The following APOB variants were observed in gnomAD, a reference collection of about 807,000 sequenced individuals.
The protein encoded by APOB is apolipoprotein B-100.
Under a neutral mutation model 314.1 loss-of-function variants are expected in APOB, and 153 were observed. The observed-to-expected ratio is 0.49, with a 90% CI of 0.43 to 0.56. The LOEUF is 0.56. Among genes scored for constraint, APOB ranks in the 20% least tolerant of loss-of-function variants. The probability of loss-of-function intolerance (pLI) is 0.00; values close to 1 mark genes in which losing one functional copy is unlikely to be tolerated. For missense variants in APOB, 5,430 were observed against 5,350.7 expected (o/e 1.01, Z -0.46); for synonymous variants, 2,087 against 2,036.4 (o/e 1.02, Z -0.67).
rs1259653196 is a variant in APOB, at chr2:21,006,714, G to T, written c.10154C>A (p.Thr3385Lys). 45 of 1,613,880 alleles carry T rather than the reference G, an allele frequency of 2.8e-5. No individual in the cohort carries two copies. The highest frequency in any genetic ancestry group is 3.5e-5 in the Non-Finnish European group (41 of 1,179,960). ...DALQYKLEGT[T>K]RLTRKRGLKL... ...CAATCCCCTTTTTCTTGTCAATCTT[G>T]TGGTGCCCTCTAATTTGTACTGCAG... The change falls in exon 26 of 29, where the codon ACA becomes AAA. Residue 3385 changes from threonine (T) to lysine (K), a missense_variant. Transcript: ENST00000233242.
At chr2:21,027,003 T>C in intron 14 of APOB, 39 bp from the exon 15 acceptor site, 2 of 1,606,560 alleles carry the variant, frequency 1.2e-6, no homozygotes, top group Non-Finnish European at 1.7e-6. Context: ...GCATCAGGTT[T>C]CTTTGTTGTA....
At position 21,011,424 on chromosome 2, in the gene APOB, C is replaced by T. The variant is rs372389077; in HGVS notation, c.5444G>A (p.Arg1815Gln). ...CACATGCAGCTTCAGGGGTTCTAGC[C>T]GTAGTTTCCCATTGTTGGTGAGATC... ...ALDLTNNGKL[R>Q]LEPLKLHVAG... is the part of the protein sequence containing the mutation. The change falls in exon 26 of 29, where the codon CGG becomes CAG. Residue 1815 changes from arginine (R) to glutamine (Q), a missense_variant. By Grantham distance (43) the Arg-to-Gln change is conservative (BLOSUM62 1). This residue lies in a region of APOB where 64 missense variants were observed against 99.9 expected (regional missense o/e 0.64). Transcript: ENST00000233242. 6.8e-6 allele frequency: 11 copies of T among 1,613,908 alleles called. No homozygotes were observed. The highest frequency in any genetic ancestry group is 4.4e-5 in the South Asian group (4 of 91,076).
At position 21,012,402 on chromosome 2, in the gene APOB, T is replaced by C; in HGVS notation, c.4466A>G (p.Gln1489Arg). ...LFVKEVKIDG[Q>R]FRVSSFYAKG... is the part of the protein sequence containing the mutation. ...AGCATAGAACGAAGAGACTCTGAACTGCCCATCAATCTTGACTTCTTTGAC... is the reference window on the plus strand; with the variant it reads ...AGCATAGAACGAAGAGACTCTGAACCGCCCATCAATCTTGACTTCTTTGAC... The change falls in exon 26 of 29, where the codon CAG becomes CGG. Residue 1489 changes from glutamine (Q) to arginine (R), a missense_variant. By Grantham distance (43) the Gln-to-Arg change is conservative (BLOSUM62 1). Around this residue, in one of 3 missense-constraint regions of APOB, gnomAD observed 2,085 missense variants for 2,079.7 expected, o/e 1.00. Coordinates refer to ENST00000233242, the MANE Select transcript of APOB (RefSeq NM_000384.3). 6.2e-7 allele frequency: 1 copy of C among 1,614,208 alleles called. No individual in the cohort carries two copies. The highest frequency in any genetic ancestry group is 8.5e-7 in the Non-Finnish European group (1 of 1,180,028).
chr2:21,004,390 C>T lies in APOB; in HGVS notation c.11966G>A (p.Arg3989His), dbSNP rs148197354. ...GATGCCTTTCTTGTCTTTCTGGTAGCGCAGATGGAGATCGGTGAACGCTGG... is the reference window on the plus strand; with the variant it reads ...GATGCCTTTCTTGTCTTTCTGGTAGTGCAGATGGAGATCGGTGAACGCTGG... ...KSPAFTDLHLRYQKDKKGIST... is the reference protein window; with the variant it reads ...KSPAFTDLHLHYQKDKKGIST... The change falls in exon 28 of 29, where the codon CGC becomes CAC. Residue 3989 changes from arginine (R) to histidine (H), a missense_variant. By Grantham distance (29) the Arg-to-His change is conservative. Transcript: ENST00000233242. 160 of 1,613,844 alleles carry T rather than the reference C, an allele frequency of 9.9e-5. No individual in the cohort carries two copies. The highest frequency in any genetic ancestry group is 1.2e-4 in the Non-Finnish European group (139 of 1,179,936).
At chr2:21,015,574 A>G (rs745936251) in intron 21 of APOB, 29 bp from the exon 22 acceptor site, 6 of 1,605,864 alleles carry the variant, frequency 3.7e-6, no homozygotes, top group Non-Finnish European at 5.1e-6. Flanking sequence ...GTTGGCACCA[A>G]TGATTTTGTC....
At chr2:21,015,925 C>T (rs1052557189) in intron 21 of APOB, among the ~76,000 whole-genome samples, 6 of 152,108 alleles carry the variant, frequency 3.9e-5, no homozygotes, top group African/African-American at 1.4e-4. Flanking sequence ...CAGCACTGTG[C>T]TTGATACATG....
In APOB at chr2:21,010,363, C is replaced by A. The variant is rs1196348415; in HGVS notation, c.6505G>T (p.Glu2169Ter). The change falls in exon 26 of 29, where the codon GAA becomes TAA. Residue 2169 changes from glutamate (E) to a stop codon, truncating the protein, a stop_gained. Coordinates refer to ENST00000233242, the MANE Select transcript of APOB (RefSeq NM_000384.3). LOFTEE classifies it high-confidence loss of function. ...TATGTCTGCAGTTGAGATAGTTTTT[C>A]ATTAAAGTTGATTTTGGCATCATCT... ...ALDDAKINFNEKLSQLQTYMI... is the reference protein window; with the variant it reads ...ALDDAKINFN 6.3e-7 allele frequency: 1 copy of A among 1,577,876 alleles called. No homozygotes were observed. Among genetic ancestry groups the A allele is most frequent in the South Asian group, 1.2e-5 (1 of 84,884 alleles).
At chr2:21,023,258 G>A (rs977373233) in intron 17 of APOB, among the ~76,000 whole-genome samples, 3 of 152,164 alleles carry the variant, frequency 2.0e-5, no homozygotes, top group African/African-American at 7.2e-5. Flanking sequence ...GAGTTAACGT[G>A]AGGCAAAACC....
At chr2:21,023,182 G>T in intron 17 of APOB, 140 bp from the exon 18 acceptor site, 1 of 860,586 alleles carries the variant, frequency 1.2e-6, no homozygotes, top group East Asian at 2.6e-5. Context: ...GATTTGTTTG[G>T]AAGAAGGAAA....
rs1225208703 is a variant in APOB at position 21,008,330 on chromosome 2, A to G, written c.8538T>C (p.Phe2846=). The G allele has an allele frequency of 6.2e-7, 1 of 1,612,880 alleles. No individual in the cohort carries two copies. The highest frequency in any genetic ancestry group is 8.5e-7 in the Non-Finnish European group (1 of 1,179,204). The change falls in exon 26 of 29, where the codon TTT becomes TTC. Residue 2846 remains phenylalanine, a synonymous_variant. Transcript: ENST00000233242. The part of the protein sequence containing the change: ...RTEHGSEMLF[F]GNAIEGKSNT... Reference sequence around the variant, plus strand: ...TTGATTTTCCCTCAATAGCATTTCCAAAAAACAGCATTTCACTCCCATGCT... The same window carrying G: ...TTGATTTTCCCTCAATAGCATTTCCGAAAAACAGCATTTCACTCCCATGCT...
intron 10 of APOB, among the ~76,000 whole-genome samples, chr2:21,031,837 G>A (rs1663889858): frequency 6.6e-6 from 1 of 151,750 alleles, no homozygotes; most frequent in Admixed American, 6.6e-5. Flanking sequence ...GTGACACAGT[G>A]AGACCATCTC....
In APOB at chr2:21,043,856, G is replaced by C. The variant is rs932043593; in HGVS notation, c.82+8C>G. ...CCCTCTGCGCCCGCAGAGCGGCCGC[G>C]CACTCACCGGCCCTGGCGCCCGCCA... On this transcript the variant is annotated splice_region_variant and intron_variant, in intron 1 of 28. Coordinates refer to ENST00000233242, the MANE Select transcript of APOB (RefSeq NM_000384.3). 4 of 1,520,782 alleles carry C rather than the reference G, an allele frequency of 2.6e-6. No individual in the cohort carries two copies. The highest frequency in any genetic ancestry group is 3.5e-6 in the Non-Finnish European group (4 of 1,139,838). 94.2% of individuals were successfully genotyped at this position (1,520,782 alleles called of 1,614,324 possible).
rs756516329 is a variant in APOB at position 21,007,653 on chromosome 2, T to C, written c.9215A>G (p.Asn3072Ser). 2 of 1,614,104 alleles carry C rather than the reference T, an allele frequency of 1.2e-6. No individual in the cohort carries two copies. The highest frequency in any genetic ancestry group is 1.7e-6 in the Non-Finnish European group (2 of 1,179,958). The change falls in exon 26 of 29, where the codon AAT becomes AGT. Residue 3072 changes from asparagine (N) to serine (S), a missense_variant. By Grantham distance (46) the Asn-to-Ser change is conservative (BLOSUM62 1). Coordinates refer to ENST00000233242, the MANE Select transcript of APOB (RefSeq NM_000384.3). ...LRLTGKIDFL[N>S]NYALFLSPSA... ...GGGACTCAGAAACAGTGCATAGTTA[T>C]TCAGGAAGTCTATCTTCCCTGTTAA...
chr2:21,043,511 A>C lies in APOB; in HGVS notation c.121+2T>G. On this transcript the variant is annotated splice_donor_variant, in intron 2 of 28. Coordinates refer to ENST00000233242, the MANE Select transcript of APOB (RefSeq NM_000384.3). LOFTEE classifies it high-confidence loss of function. ...TCCACGCCCCATGCGCAGATGCCTT[A>C]CTTGGACAGACCAGGCTGACATTTT... is the stretch of plus-strand genomic sequence containing the variant. The C allele has an allele frequency of 6.2e-7, 1 of 1,603,520 alleles. No homozygotes were observed. Among genetic ancestry groups the C allele is most frequent in the African/African-American group, 1.3e-5 (1 of 74,932 alleles).
chr2:21,025,239 T>A, intron 15 of APOB, 115 bp from the exon 16 acceptor site: 1 of 1,009,828 alleles, frequency 9.9e-7, no homozygotes, highest in Non-Finnish European at 1.5e-6. Context: ...ATGCTCCAGG[T>A]GAGGAACAGG....
chr2:21,027,323 T>TTTTC (rs1273785604), intron 14 of APOB, among the ~76,000 whole-genome samples: 1 of 147,714 alleles, frequency 6.8e-6, no homozygotes, highest in African/African-American at 2.5e-5. Flanking sequence ...TTTTTTTTTT[T>TTTTC]TTTTTTGAGA....
Position 21,028,010 on chromosome 2 carries a change from C to A in APOB, c.1885G>T (p.Asp629Tyr). The A allele has an allele frequency of 6.2e-7, 1 of 1,614,028 alleles. No homozygotes were observed. The highest frequency in any genetic ancestry group is 8.5e-7 in the Non-Finnish European group (1 of 1,179,898). The change falls in exon 14 of 29, where the codon GAC becomes TAC. Residue 629 changes from aspartate to tyrosine, a missense_variant. Transcript: ENST00000233242. ...LKESQLPTVMDFRKFSRNYQL... is the reference protein window; with the variant it reads ...LKESQLPTVMYFRKFSRNYQL... ...TAGTTCCGAGAGAATTTTCTGAAGTCCATGACAGTTGGAAGTTGAGATTCT... is the reference window on the plus strand; with the variant it reads ...TAGTTCCGAGAGAATTTTCTGAAGTACATGACAGTTGGAAGTTGAGATTCT...
chr2:21,042,195 A>G (rs945271031), intron 3 of APOB, among the ~76,000 whole-genome samples, 166 bp downstream of exon 3: 1 of 152,232 alleles, frequency 6.6e-6, no homozygotes, highest in Non-Finnish European at 1.5e-5. Context: ...GCTGACTTAC[A>G]AACAGAGGCA....
rs202229735 is a variant in APOB at position 21,009,840 on chromosome 2, T to A, written c.7028A>T (p.Glu2343Val). ...GTCTACTTCATACCTCTCGATTAAC[T>A]CATGGACTTTGGCTCTGAAGGCATT... ...KINAFRAKVH[E>V]LIERYEVDQQ... Residue 2343 changes from glutamate to valine, a missense_variant, in exon 26 of 29, where the codon GAG (glutamate) becomes GTG (valine). Glu to Val is a moderately radical substitution (Grantham distance 121). Transcript: ENST00000233242. 2 of 1,613,952 alleles carry A rather than the reference T, an allele frequency of 1.2e-6. No homozygotes were observed. The highest frequency in any genetic ancestry group is 4.5e-5 in the East Asian group (2 of 44,870).
Sources: allele counts gnomAD v4.1 joint callset (sites outside exome capture counted in the v4.1 genomes callset), GRCh38; gene constraint gnomAD v4.1.1; regional missense constraint gnomAD v4.1.1; transcripts MANE v1.5; gene names NCBI Gene and HGNC (gene_info 2026-07-23, HGNC 2026-07-21).